The following TRPM3 variants were observed in gnomAD, a reference collection of about 807,000 sequenced individuals.
TRPM3 encodes long transient receptor potential channel 3.
A neutral mutation model predicts 181.2 loss-of-function variants in TRPM3; 77 were observed. The observed-to-expected ratio is 0.42, with a 90% CI of 0.35 to 0.51. TRPM3 has a LOEUF of 0.51. TRPM3 is among the 20% of genes least tolerant of loss of function. The probability of loss-of-function intolerance (pLI) is 0.01; values close to 1 mark genes in which losing one functional copy is unlikely to be tolerated. For missense variants in TRPM3, 1,759 were observed against 2,196.7 expected, an observed-to-expected ratio of 0.80 and a Z score of 3.98; for synonymous variants, 745 against 796.4, an observed-to-expected ratio of 0.94 and a Z score of 1.09.
intron 9 of TRPM3, among the ~76,000 whole-genome samples, chr9:70,647,076 G>A (rs1435625564): frequency 1.3e-5 from 2 of 151,958 alleles, no homozygotes; most frequent in African/African-American, 4.8e-5. Flanking sequence ...AAAATGCCCT[G>A]GACCAGCGAG....
intron 1 of TRPM3, among the ~76,000 whole-genome samples, chr9:71,183,114 T>C (rs1232504850): frequency 1.3e-5 from 2 of 152,140 alleles, no homozygotes; most frequent in Non-Finnish European, 2.9e-5. Flanking sequence ...GCTTTTTGTA[T>C]ATAGAAGAAT....
chr9:70,912,002 G>C (rs780588555), intron 1 of TRPM3, among the ~76,000 whole-genome samples: 6 of 152,168 alleles, frequency 3.9e-5, no homozygotes, highest in Non-Finnish European at 8.8e-5. Flanking sequence ...GGCCTGGAAG[G>C]AGGCAGTTGG....
At chr9:71,151,648 C>T (rs1224182015) in intron 1 of TRPM3, among the ~76,000 whole-genome samples, 2 of 151,992 alleles carry the variant, frequency 1.3e-5, no homozygotes, top group African/African-American at 2.4e-5. Context: ...ATGACACGTG[C>T]ACACAGATAT....
chr9:70,588,041 A>G (rs2057440126), intron 22 of TRPM3, among the ~76,000 whole-genome samples: 1 of 152,202 alleles, frequency 6.6e-6, no homozygotes, highest in African/African-American at 2.4e-5. Flanking sequence ...TCCACAGAGA[A>G]CTTAGATTAA....
intron 7 of TRPM3, chr9:70,776,323 G>A (rs1317830467): frequency 1.6e-6 from 1 of 616,612 alleles, no homozygotes; most frequent in African/African-American, 1.9e-5. Context: ...AGGAAGCTGG[G>A]GTAGGACACT....
chr9:70,753,343 G>A (rs559617544), intron 8 of TRPM3, among the ~76,000 whole-genome samples: 76 of 152,208 alleles, frequency 5.0e-4, no homozygotes, highest in Admixed American at 1.7e-3. Flanking sequence ...AGAATAAGAG[G>A]AAGTGGCTGT....
At chr9:71,199,208 T>C (rs1483209563) in intron 1 of TRPM3, among the ~76,000 whole-genome samples, 4 of 151,342 alleles carry the variant, frequency 2.6e-5, no homozygotes, top group Non-Finnish European at 5.9e-5. Flanking sequence ...CAGCCTTGCA[T>C]CACAGGGATG....
chr9:70,939,430 C>T (rs1011639278), intron 1 of TRPM3, among the ~76,000 whole-genome samples: 3 of 152,104 alleles, frequency 2.0e-5, no homozygotes, highest in African/African-American at 7.2e-5. Flanking sequence ...ACTCTGATTT[C>T]GGCAGTACGG....
chr9:70,606,611 T>TGACA (rs2132891550), intron 19 of TRPM3, among the ~76,000 whole-genome samples: 1 of 149,280 alleles, frequency 6.7e-6, no homozygotes, highest in East Asian at 2.0e-4. Context: ...TAGATTATCT[T>TGACA]GACATGACAT....
At chr9:70,652,091 G>C (rs568975871) in intron 9 of TRPM3, among the ~76,000 whole-genome samples, 2 of 152,208 alleles carry the variant, frequency 1.3e-5, no homozygotes, top group African/African-American at 2.4e-5. Flanking sequence ...GACAAAAAAT[G>C]CTCGGAATTG....
At chr9:71,213,989 T>C (rs570366922) in intron 1 of TRPM3, among the ~76,000 whole-genome samples, 2 of 152,332 alleles carry the variant, frequency 1.3e-5, no homozygotes, top group Admixed American at 1.3e-4. Context: ...TTATCTTTTC[T>C]TTAAATGCTT....
At chr9:70,984,915 G>A (rs944797681) in intron 1 of TRPM3, among the ~76,000 whole-genome samples, 7 of 152,236 alleles carry the variant, frequency 4.6e-5, no homozygotes, top group Non-Finnish European at 8.8e-5. Flanking sequence ...TTACCTTGCA[G>A]AATATGAGGT....
chr9:70,775,682 C>T (rs984945529), intron 7 of TRPM3: 3 of 152,080 alleles, frequency 2.0e-5, no homozygotes, highest in Non-Finnish European at 4.4e-5. Context: ...CGTCTCTGGA[C>T]CAAAAGCATA....
intron 8 of TRPM3, among the ~76,000 whole-genome samples, chr9:70,682,761 C>G (rs1469281977): frequency 6.6e-6 from 1 of 152,102 alleles, no homozygotes; most frequent in Admixed American, 6.6e-5. Context: ...AGAAAAAAAG[C>G]CAAAATATTG....
At chr9:70,772,718 T>A (rs2080566805) in intron 7 of TRPM3, among the ~76,000 whole-genome samples, 1 of 152,174 alleles carries the variant, frequency 6.6e-6, no homozygotes, top group South Asian at 2.1e-4. Flanking sequence ...GACATTTAGA[T>A]GAAAAATCCT....
chr9:70,542,371 T>G (rs748206560), intron 25 of TRPM3, among the ~76,000 whole-genome samples: 4 of 152,192 alleles, frequency 2.6e-5, no homozygotes, highest in Non-Finnish European at 5.9e-5. Context: ...AGGAACTCTT[T>G]ATTGAAATTT....
chr9:71,160,560 A>C (rs1383519004), intron 1 of TRPM3, among the ~76,000 whole-genome samples: 1 of 152,106 alleles, frequency 6.6e-6, no homozygotes, highest in Non-Finnish European at 1.5e-5. Context: ...TTTTGCTCAG[A>C]ACATATTTGT....
chr9:70,960,586 C>T (rs775485472), intron 1 of TRPM3, among the ~76,000 whole-genome samples: 15 of 152,164 alleles, frequency 9.9e-5, no homozygotes, highest in Non-Finnish European at 2.1e-4. Context: ...AGCAGGAATA[C>T]TGGGAGGCAG....
chr9:71,118,183 C>A (rs1238172760), intron 1 of TRPM3, among the ~76,000 whole-genome samples: 1 of 152,138 alleles, frequency 6.6e-6, no homozygotes, highest in South Asian at 2.1e-4. Flanking sequence ...TGTCTTTTGG[C>A]TATCATCATT....
Sources: gnomAD v4.1 joint callset for allele counts (sites outside exome capture counted in the v4.1 genomes callset) on GRCh38, gnomAD v4.1.1 for gene constraint, MANE v1.5 for transcripts, NCBI Gene and HGNC (gene_info 2026-07-23, HGNC 2026-07-21) for gene names.